The following PRKN variants were observed in gnomAD, a reference collection of about 807,000 sequenced individuals.
PRKN encodes the protein E3 ubiquitin-protein ligase parkin.
A neutral mutation model predicts 59.5 loss-of-function variants in PRKN; 56 were observed. The ratio of observed to expected loss-of-function variants is 0.94; its 90% confidence interval spans 0.76 to 1.18. The LOEUF (loss-of-function observed/expected upper bound fraction) is 1.18, where lower values mean the gene tolerates loss of function less well. PRKN is among the 50% of genes most tolerant of loss of function. The probability of loss-of-function intolerance (pLI) is 0.00; values close to 1 mark genes in which losing one functional copy is unlikely to be tolerated. For synonymous variants in PRKN, 250 were observed against 222.1 expected (o/e 1.13, Z -1.12); for missense variants, 657 against 596.4 (o/e 1.10, Z -1.06).
intron 7 of PRKN, among the ~76,000 whole-genome samples, chr6:161,601,537 C>A (rs940855959): frequency 4.6e-5 from 7 of 151,596 alleles, no homozygotes; most frequent in African/African-American, 1.7e-4. Context: ...GCCATCAGAT[C>A]CTGGGCTTTT....
chr6:162,491,287 C>A lies in PRKN; in HGVS notation c.8-47814G>T, dbSNP rs1170423568. Among the ~76,000 whole-genome samples the A allele has an allele frequency of 1.2e-3, 183 of 147,044 alleles. 1 individual carries two copies. The highest frequency in any genetic ancestry group is 2.4e-3 in the South Asian group (11 of 4,630). On this transcript the variant is annotated intron_variant, in intron 1 of 11. Coordinates refer to ENST00000366898, the MANE Select transcript of PRKN (RefSeq NM_004562.3). ...TCTGGCTCAAAAAAAAAAAAAAAAA[C>A]CAACCAACCAAGGATGGCACCAGGG...
At chr6:161,469,560 A>AGAGAGAGATT (rs1554264011) in intron 9 of PRKN, among the ~76,000 whole-genome samples, 1 of 151,468 alleles carries the variant, frequency 6.6e-6, no homozygotes, top group African/African-American at 2.4e-5. Flanking sequence ...AGAGAGAGAG[A>AGAGAGAGATT]GAGAGAGAGA....
chr6:162,367,353 C>T (rs898865043), intron 2 of PRKN, among the ~76,000 whole-genome samples: 1 of 152,132 alleles, frequency 6.6e-6, no homozygotes, highest in Non-Finnish European at 1.5e-5. Flanking sequence ...CAGGCTAATA[C>T]ACTGTTTTTT....
chr6:162,184,053 C>G (rs953274520), intron 4 of PRKN, among the ~76,000 whole-genome samples: 2 of 151,478 alleles, frequency 1.3e-5, no homozygotes, highest in African/African-American at 2.5e-5. Context: ...GATAATCTGA[C>G]TATTTAATTT....
chr6:162,056,617 T>C lies in PRKN; in HGVS notation c.535-2443A>G, dbSNP rs1033277186. On this transcript the variant is annotated intron_variant, in intron 4 of 11. Transcript: ENST00000366898. This position sits in a 1 kb window ranked among gnomAD's most constrained non-coding sequence, Gnocchi z 4.9. Reference sequence around the variant, plus strand: ...CTGCGATGGTTTGAAAAGCCTGCTTTCAAGCTTGGCCCTTGGCTGGCATCT... The same window carrying C: ...CTGCGATGGTTTGAAAAGCCTGCTTCCAAGCTTGGCCCTTGGCTGGCATCT... Among the ~76,000 whole-genome samples the C allele has an allele frequency of 2.0e-5, 3 of 152,200 alleles. No individual in the cohort carries two copies. The highest frequency in any genetic ancestry group is 7.2e-5 in the African/African-American group (3 of 41,452).
chr6:161,753,096 A>G (rs1209857620), intron 7 of PRKN, among the ~76,000 whole-genome samples: 1 of 152,212 alleles, frequency 6.6e-6, no homozygotes, highest in African/African-American at 2.4e-5. Flanking sequence ...GTTTTCAAGG[A>G]GTCAGTTTAC....
chr6:162,709,610 A>C (rs1778455947), intron 1 of PRKN, among the ~76,000 whole-genome samples: 1 of 152,204 alleles, frequency 6.6e-6, no homozygotes. Context: ...GCTGGTGCTC[A>C]TGCTGCTTAT....
chr6:161,732,058 G>T (rs2128188585), intron 7 of PRKN, among the ~76,000 whole-genome samples: 1 of 151,514 alleles, frequency 6.6e-6, no homozygotes, highest in South Asian at 2.1e-4. Context: ...CAAGTACTAA[G>T]CCTAATACCC....
chr6:162,515,220 T>C (rs80022198), intron 1 of PRKN, among the ~76,000 whole-genome samples: 8 of 152,064 alleles, frequency 5.3e-5, no homozygotes, highest in African/African-American at 1.7e-4. Context: ...GTACCTGGGA[T>C]TACAAGCATG....
intron 2 of PRKN, among the ~76,000 whole-genome samples, chr6:162,274,180 A>AATTAATTAATTT (rs1222879318): frequency 2.6e-5 from 4 of 151,330 alleles, no homozygotes; most frequent in African/African-American, 7.3e-5. Flanking sequence ...TTAATTTATT[A>AATTAATTAATTT]ATGTATTTAT....
At position 162,629,441 on chromosome 6, in the gene PRKN, TTTTTG is replaced by T. The variant is rs531899590; in HGVS notation, c.7+98216_7+98220del. ...AAGATTTTATTCCTCTCTTCATACA[TTTTTG>T]TTTTAACTATGTACAAAACAAGTTC... On this transcript the variant is annotated intron_variant, in intron 1 of 11. Coordinates refer to ENST00000366898, the MANE Select transcript of PRKN (RefSeq NM_004562.3). Among the ~76,000 whole-genome samples the T allele has an allele frequency of 2.4e-3, 363 of 152,242 alleles. 1 individual carries two copies. The highest frequency in any genetic ancestry group is 4.0e-3 in the Non-Finnish European group (270 of 67,978).
chr6:161,907,417 G>A (rs548975287), intron 6 of PRKN, among the ~76,000 whole-genome samples: 3 of 152,036 alleles, frequency 2.0e-5, no homozygotes, highest in Non-Finnish European at 2.9e-5. Context: ...AATTATTTCC[G>A]CAACATAACC....
At position 162,693,976 on chromosome 6, in the gene PRKN, G is replaced by T. The variant is rs148666820; in HGVS notation, c.7+33686C>A. Among the ~76,000 whole-genome samples the T allele has an allele frequency of 2.8e-3, 427 of 152,170 alleles. 2 individuals carry two copies. The highest frequency in any genetic ancestry group is 9.4e-3 in the African/African-American group (390 of 41,536). Reference sequence around the variant, plus strand: ...TTAAAATGTTGAAGAGGTCAGGCACGGTGGCTCATGCCTGTAATCCCAACA... The same window carrying T: ...TTAAAATGTTGAAGAGGTCAGGCACTGTGGCTCATGCCTGTAATCCCAACA... On this transcript the variant is annotated intron_variant, in intron 1 of 11. Coordinates refer to ENST00000366898, the MANE Select transcript of PRKN (RefSeq NM_004562.3).
At chr6:162,279,363 G>C (rs185477458) in intron 2 of PRKN, among the ~76,000 whole-genome samples, 1 of 148,266 alleles carries the variant, frequency 6.7e-6, no homozygotes, top group African/African-American at 2.5e-5. Flanking sequence ...GAAAGAAAGA[G>C]AGAGAGAGAG....
chr6:162,385,880 T>A lies in PRKN; in HGVS notation c.171+57430A>T, dbSNP rs1467065676. Among the ~76,000 whole-genome samples, 3 of 152,162 alleles carry A rather than the reference T, an allele frequency of 2.0e-5. No homozygotes were observed. The South Asian group carries it at 6.2e-4, about 32-fold the overall frequency. On this transcript the variant is annotated intron_variant, in intron 2 of 11. Transcript: ENST00000366898. Reference sequence around the variant, plus strand: ...GGTTTTTTCCCTAAAAAAAAAAGTTTCAGATTCCAAAGTTTTTCAAAAAGT... The same window carrying A: ...GGTTTTTTCCCTAAAAAAAAAAGTTACAGATTCCAAAGTTTTTCAAAAAGT...
At chr6:162,339,894 A>C (rs1784086984) in intron 2 of PRKN, among the ~76,000 whole-genome samples, 1 of 149,164 alleles carries the variant, frequency 6.7e-6, no homozygotes, top group Non-Finnish European at 1.5e-5. Context: ...TGAATGGATT[A>C]AGGGCGGTGC....
At chr6:161,425,952 C>T (rs1048121740) in intron 9 of PRKN, among the ~76,000 whole-genome samples, 1 of 152,038 alleles carries the variant, frequency 6.6e-6, no homozygotes, top group African/African-American at 2.4e-5. Flanking sequence ...CTTTTAGAGA[C>T]TAATACCCAG....
At chr6:161,744,549 A>G (rs1273937178) in intron 7 of PRKN, among the ~76,000 whole-genome samples, 1 of 152,174 alleles carries the variant, frequency 6.6e-6, no homozygotes, top group Non-Finnish European at 1.5e-5. Flanking sequence ...CCTAGAGACT[A>G]TATTAATGAA....
chr6:162,590,733 T>C (rs966653862), intron 1 of PRKN, among the ~76,000 whole-genome samples: 1 of 152,170 alleles, frequency 6.6e-6, no homozygotes, highest in Non-Finnish European at 1.5e-5. Context: ...CTTTCATCAG[T>C]ACTCTGGAAT....
Sources: allele counts gnomAD v4.1 joint callset (sites outside exome capture counted in the v4.1 genomes callset), GRCh38; gene constraint gnomAD v4.1.1; non-coding constraint Gnocchi (gnomAD v3.1); transcripts MANE v1.5; gene names NCBI Gene and HGNC (gene_info 2026-07-23, HGNC 2026-07-21).